The following TYW1B variants were observed in gnomAD, a reference collection of about 807,000 sequenced individuals.
The protein encoded by TYW1B is tRNA-yW synthesizing protein 1 homolog B, also known as S-adenosyl-L-methionine-dependent tRNA 4-demethylwyosine synthase TYW1B.
Under a neutral mutation model 86.9 loss-of-function variants are expected in TYW1B, and 73 were observed. That is an observed-to-expected ratio of 0.84 (90% confidence interval 0.70 to 1.02). TYW1B has a LOEUF of 1.02. Among genes scored for constraint, TYW1B ranks in the 50% least tolerant of loss-of-function variants. The probability of loss-of-function intolerance (pLI) is 0.00; values close to 1 mark genes in which losing one functional copy is unlikely to be tolerated. For synonymous variants in TYW1B, 248 were observed against 292.8 expected, an observed-to-expected ratio of 0.85 and a Z score of 1.56; for missense variants, 637 against 827.4, an observed-to-expected ratio of 0.77 and a Z score of 2.82.
intron 11 of TYW1B, among the ~76,000 whole-genome samples, chr7:72,655,789 G>A (rs1188005683): frequency 6.6e-6 from 1 of 152,172 alleles, no homozygotes; most frequent in Non-Finnish European, 1.5e-5. Flanking sequence ...CTCTGGGCAT[G>A]AAGATGTGTC....
chr7:72,669,670 T>G (rs1554445976), intron 11 of TYW1B, among the ~76,000 whole-genome samples: 4 of 151,770 alleles, frequency 2.6e-5, no homozygotes, highest in African/African-American at 9.7e-5. Flanking sequence ...CTTGGGAAGC[T>G]GAGGCAGGAG....
chr7:72,822,018 G>C (rs1788836010), intron 2 of TYW1B, among the ~76,000 whole-genome samples: 1 of 151,708 alleles, frequency 6.6e-6, no homozygotes, highest in Admixed American at 6.6e-5. Flanking sequence ...AGCCGAGGCG[G>C]GTGAATCACT....
At chr7:72,673,663 A>C (rs1406939339) in intron 11 of TYW1B, among the ~76,000 whole-genome samples, 1 of 152,204 alleles carries the variant, frequency 6.6e-6, no homozygotes, top group Non-Finnish European at 1.5e-5. Context: ...AATAGAAAAA[A>C]TGAATAAGAC....
At chr7:72,619,642 C>T (rs1269874245) in intron 12 of TYW1B, among the ~76,000 whole-genome samples, 1 of 129,154 alleles carries the variant, frequency 7.7e-6, no homozygotes, top group South Asian at 2.7e-4. Context: ...AGCAAGACTC[C>T]GTCTCAAAAA....
intron 11 of TYW1B, among the ~76,000 whole-genome samples, chr7:72,674,362 G>C (rs1381701270): frequency 2.6e-5 from 4 of 152,098 alleles, no homozygotes; most frequent in African/African-American, 9.7e-5. Flanking sequence ...GGCAGTGGCT[G>C]TGATGTCTCC....
At chr7:72,785,353 AATAT>A (rs1158497304) in intron 6 of TYW1B, among the ~76,000 whole-genome samples, 1 of 147,576 alleles carries the variant, frequency 6.8e-6, no homozygotes, top group Admixed American at 6.8e-5. Flanking sequence ...TATATATATT[AATAT>A]ATAATTATAT....
chr7:72,663,713 G>A (rs868958868), intron 11 of TYW1B, among the ~76,000 whole-genome samples: 24 of 127,138 alleles, frequency 1.9e-4, no homozygotes, highest in African/African-American at 6.3e-4. Context: ...GCAGTGAGCC[G>A]AGATCACGCC....
intron 11 of TYW1B, among the ~76,000 whole-genome samples, chr7:72,677,848 C>A (rs527281381): frequency 3.9e-5 from 6 of 152,194 alleles, no homozygotes; most frequent in African/African-American, 1.4e-4. Flanking sequence ...ATTACAGGTG[C>A]CTGCCACCAT....
chr7:72,623,016 C>T (rs1435275504), intron 12 of TYW1B, among the ~76,000 whole-genome samples: 1 of 152,160 alleles, frequency 6.6e-6, no homozygotes, highest in Non-Finnish European at 1.5e-5. Context: ...AGAAACTGCA[C>T]ACAGGGTAGA....
At chr7:72,749,912 G>GTTTTTTTTTTTT (rs35656387) in intron 7 of TYW1B, among the ~76,000 whole-genome samples, 26 of 118,996 alleles carry the variant, frequency 2.2e-4, no homozygotes, top group Non-Finnish European at 3.0e-4. Context: ...GGTTTTTTTT[G>GTTTTTTTTTTTT]TTTTTTTTTT....
intron 4 of TYW1B, among the ~76,000 whole-genome samples, chr7:72,809,830 T>C (rs1788569429): frequency 6.6e-6 from 1 of 151,772 alleles, no homozygotes; most frequent in Admixed American, 6.6e-5. Context: ...AAACCCTGTC[T>C]CTACTAAAAA....
intron 11 of TYW1B, among the ~76,000 whole-genome samples, chr7:72,674,352 G>C (rs184243047): frequency 6.6e-6 from 1 of 152,010 alleles, no homozygotes; most frequent in African/African-American, 2.4e-5. Context: ...GGTTGTTTTC[G>C]GCAGTGGCTG....
intron 13 of TYW1B, among the ~76,000 whole-genome samples, chr7:72,598,002 GC>G (rs1811576288): frequency 1.3e-5 from 2 of 152,150 alleles, no homozygotes; most frequent in African/African-American, 4.8e-5. Context: ...GGACAGATTC[GC>G]ACATGATGGT....
intron 7 of TYW1B, among the ~76,000 whole-genome samples, chr7:72,771,898 G>A (rs1274723363): frequency 6.6e-6 from 1 of 151,328 alleles, no homozygotes; most frequent in East Asian, 1.9e-4. Flanking sequence ...CCAGGCTGGA[G>A]TGCAGTGTCT....
At chr7:72,766,635 A>C (rs1271882029) in intron 7 of TYW1B, among the ~76,000 whole-genome samples, 1 of 119,012 alleles carries the variant, frequency 8.4e-6, no homozygotes, top group Non-Finnish European at 1.8e-5. Context: ...AAAAAAAAAC[A>C]TAACTACAGG....
intron 11 of TYW1B, among the ~76,000 whole-genome samples, chr7:72,636,564 A>G (rs1439106139): frequency 6.6e-6 from 1 of 152,234 alleles, no homozygotes. Context: ...TTTTATGGGT[A>G]AATATCTTTA....
intron 9 of TYW1B, among the ~76,000 whole-genome samples, chr7:72,716,266 C>T (rs1485058439): frequency 6.6e-5 from 10 of 152,184 alleles, no homozygotes; most frequent in Non-Finnish European, 1.3e-4. Context: ...ACATAACTTT[C>T]TTAGCTGTGA....
In TYW1B at chr7:72,822,329, C is replaced by T. The variant is rs1420347692; in HGVS notation, c.135+4526G>A. Among the ~76,000 whole-genome samples the T allele has an allele frequency of 1.8e-4, 27 of 151,602 alleles. 1 individual carries two copies. The highest frequency in any genetic ancestry group is 5.8e-4 in the African/African-American group (24 of 41,206). ...AATGAAAAGGGAAAAAAAATTCATC[C>T]AAGAAATATTAACAGAACTAATGCA... On this transcript the variant is annotated intron_variant, in intron 2 of 13. Coordinates refer to ENST00000620995, the MANE Select transcript of TYW1B (RefSeq NM_001145440.3).
intron 8 of TYW1B, among the ~76,000 whole-genome samples, chr7:72,736,416 G>C (rs1454630229): frequency 6.6e-6 from 1 of 152,186 alleles, no homozygotes; most frequent in Admixed American, 6.5e-5. Context: ...CTTTATTACG[G>C]CTAGCAGATA....
Sources: allele counts gnomAD v4.1 joint callset (sites outside exome capture counted in the v4.1 genomes callset), GRCh38; gene constraint gnomAD v4.1.1; transcripts MANE v1.5; gene names NCBI Gene and HGNC (gene_info 2026-07-23, HGNC 2026-07-21).